Variants in PCDH7 observed in about 807,000 individuals in gnomAD.
The protein encoded by PCDH7 is protocadherin-7.
Under a neutral mutation model 58.9 loss-of-function variants are expected in PCDH7, and 17 were observed. That is an observed-to-expected ratio of 0.29 (90% CI 0.20 to 0.43). The LOEUF (loss-of-function observed/expected upper bound fraction) is 0.43. Ranked by LOEUF, PCDH7 falls within the 20% of genes least tolerant of loss-of-function variation. PCDH7 has a pLI of 1.00. For synonymous variants in PCDH7, 664 were observed against 616.4 expected, an observed-to-expected ratio of 1.08 and a Z score of -1.14; for missense variants, 1,274 against 1,441.0, an observed-to-expected ratio of 0.88 and a Z score of 1.88.
chr4:31,119,752 G>A lies in PCDH7; in HGVS notation c.*8-22721G>A, dbSNP rs116782213. On this transcript the variant is annotated intron_variant, in intron 3 of 3. Coordinates refer to the PCDH7 transcript ENST00000509759. ...AATGGTTTGCTAGTGCTTGGGAGGC[G>A]AGCACATGCAGTGTGTGTACTGGAG... 7.3e-3 allele frequency among the ~76,000 whole-genome samples: 1,115 copies of A among 152,134 alleles called. 11 individuals are homozygous for A. The highest frequency in any genetic ancestry group is 0.025 in the African/African-American group (1,045 of 41,482).
At chr4:30,724,681 C>T (rs1283847347) in intron 1 of PCDH7, 85 bp downstream of exon 1, 1 of 1,483,986 alleles carries the variant, frequency 6.7e-7, no homozygotes, top group Admixed American at 2.5e-5. Flanking sequence ...GTTTTGTCTT[C>T]TCGTTTTTAA....
chr4:30,833,359 T>G (rs975485645), intron 1 of PCDH7, among the ~76,000 whole-genome samples: 3 of 152,164 alleles, frequency 2.0e-5, no homozygotes, highest in African/African-American at 4.8e-5. Context: ...TTCCTTGGCT[T>G]ACAGTCCCCT....
intron 1 of PCDH7, among the ~76,000 whole-genome samples, chr4:30,815,211 G>A (rs1457802662): frequency 1.3e-5 from 2 of 151,968 alleles, no homozygotes; most frequent in East Asian, 2.0e-4. Flanking sequence ...TCTACACCCA[G>A]TACTGTTGCT....
chr4:30,790,150 T>A (rs1723927278), intron 1 of PCDH7, among the ~76,000 whole-genome samples: 1 of 152,230 alleles, frequency 6.6e-6, no homozygotes, highest in Non-Finnish European at 1.5e-5. Context: ...TTCACTTCCC[T>A]GTTTGGTAAA....
chr4:31,111,807 A>G (rs1716352517), intron 3 of PCDH7, among the ~76,000 whole-genome samples: 1 of 152,228 alleles, frequency 6.6e-6, no homozygotes, highest in Admixed American at 6.5e-5. Context: ...TAGTTTTTAC[A>G]TTCTTTTCTC....
At chr4:30,764,434 GT>G (rs1362622168) in intron 1 of PCDH7, among the ~76,000 whole-genome samples, 1 of 151,932 alleles carries the variant, frequency 6.6e-6, no homozygotes, top group Non-Finnish European at 1.5e-5. Context: ...CAGGAATATA[GT>G]TTTATAAACT....
At chr4:30,742,385 T>C (rs1047268589) in intron 1 of PCDH7, among the ~76,000 whole-genome samples, 1 of 152,210 alleles carries the variant, frequency 6.6e-6, no homozygotes, top group Non-Finnish European at 1.5e-5. Context: ...ATGTCTCCAC[T>C]GTGTCGTATT....
intron 3 of PCDH7, among the ~76,000 whole-genome samples, chr4:31,116,972 A>G (rs149857585): frequency 1.1e-4 from 16 of 152,126 alleles, no homozygotes; most frequent in African/African-American, 3.9e-4. Flanking sequence ...AGTAGCTGGG[A>G]TTACAGGCAT....
intron 3 of PCDH7, among the ~76,000 whole-genome samples, chr4:30,995,914 T>C (rs1751855651): frequency 1.3e-5 from 2 of 152,114 alleles, no homozygotes; most frequent in South Asian, 4.1e-4. Context: ...TCCAGGATAA[T>C]CTCCCCATTT....
chr4:31,127,929 GC>G (rs1032918215), intron 3 of PCDH7, among the ~76,000 whole-genome samples: 6 of 151,720 alleles, frequency 4.0e-5, no homozygotes, highest in South Asian at 2.1e-4. Context: ...AGGCTTTCAA[GC>G]TTTTTCAGTG....
At chr4:30,735,068 A>C (rs1178403101), downstream of PCDH7, among the ~76,000 whole-genome samples, 1 of 152,006 alleles carries the variant, frequency 6.6e-6, no homozygotes, top group Non-Finnish European at 1.5e-5. Context: ...GCTAAACTCA[A>C]GCAAATGTTT....
Position 31,087,369 on chromosome 4 carries a change from G to A in PCDH7, c.*8-55104G>A, listed in dbSNP as rs78808687. Among the ~76,000 whole-genome samples, 1,178 of 152,186 alleles carry A rather than the reference G, an allele frequency of 7.7e-3. 9 individuals are homozygous for A. Among genetic ancestry groups the A allele is most frequent in the Admixed American group, 0.017 (253 of 15,270 alleles). ...TCAGTAGGAAGATTTATATGAAAAGGTTGATGAATGATACTATTCTTAAGG... is the reference window on the plus strand; with the variant it reads ...TCAGTAGGAAGATTTATATGAAAAGATTGATGAATGATACTATTCTTAAGG... On this transcript the variant is annotated intron_variant, in intron 3 of 3. Coordinates refer to the PCDH7 transcript ENST00000509759.
intron 2 of PCDH7, among the ~76,000 whole-genome samples, chr4:30,933,454 C>G (rs533785726): frequency 1.3e-5 from 2 of 152,260 alleles, no homozygotes; most frequent in East Asian, 3.9e-4. Context: ...CGCTACTAAC[C>G]ACAATCTTGT....
downstream of PCDH7, chr4:31,145,547 G>A (rs1034212745): frequency 7.9e-5 from 12 of 151,960 alleles, no homozygotes; most frequent in Admixed American, 2.0e-4. Flanking sequence ...GTAAAAAAAC[G>A]GTTGTTGGGT....
intron 3 of PCDH7, among the ~76,000 whole-genome samples, chr4:31,020,914 TA>T (rs751213163): frequency 4.6e-5 from 7 of 152,196 alleles, no homozygotes; most frequent in Non-Finnish European, 8.8e-5. Flanking sequence ...CAAATTGATT[TA>T]TTTTTTTCTC....
At chr4:30,965,733 A>AT (rs1748937197) in intron 3 of PCDH7, among the ~76,000 whole-genome samples, 1 of 152,092 alleles carries the variant, frequency 6.6e-6, no homozygotes, top group African/African-American at 2.4e-5. Flanking sequence ...CATGTTAAAT[A>AT]TTTTTTCCTT....
intron 3 of PCDH7, among the ~76,000 whole-genome samples, chr4:31,090,082 A>G (rs1713031217): frequency 6.6e-6 from 1 of 152,048 alleles, no homozygotes; most frequent in Non-Finnish European, 1.5e-5. Context: ...TCGGTGGCCA[A>G]ATGCCAAGTC....
chr4:30,963,578 G>T (rs1288364470), intron 3 of PCDH7, among the ~76,000 whole-genome samples: 1 of 93,134 alleles, frequency 1.1e-5, no homozygotes, highest in African/African-American at 6.9e-5. Context: ...TGCTAGTTAT[G>T]TTTTTTCTCT....
chr4:30,743,128 T>C (rs1717298549), intron 1 of PCDH7, among the ~76,000 whole-genome samples: 1 of 152,142 alleles, frequency 6.6e-6, no homozygotes, highest in South Asian at 2.1e-4. Context: ...TGGTGGGAAA[T>C]ATAAACAAAA....
Sources: allele counts gnomAD v4.1 joint callset (sites outside exome capture counted in the v4.1 genomes callset), GRCh38; gene constraint gnomAD v4.1.1; transcripts MANE v1.5; gene names NCBI Gene and HGNC (gene_info 2026-07-23, HGNC 2026-07-21).